The following FAAH2 variants were observed in gnomAD, a reference collection of about 807,000 sequenced individuals.
FAAH2 encodes the protein fatty acid amide hydrolase 2, also known as fatty-acid amide hydrolase 2.
FAAH2 carries 60 observed loss-of-function variants against 36.9 expected under a neutral mutation model. The observed-to-expected ratio is 1.63, with a 90% CI of 1.32 to 2.02. The LOEUF is 2.02. FAAH2 is among the 30% of genes most tolerant of loss of function. The pLI is 0.00. For synonymous variants in FAAH2, 214 were observed against 143.8 expected, an observed-to-expected ratio of 1.49 and a Z score of -3.49; for missense variants, 689 against 397.5, an observed-to-expected ratio of 1.73 and a Z score of -6.23.
the FAAH2 span, among the ~76,000 whole-genome samples, chrX:57,211,989 A>C: frequency 8.9e-6 from 1 of 111,764 alleles, no homozygotes; most frequent in African/African-American, 3.3e-5. Flanking sequence ...TAATCTCAGC[A>C]GTTTTGGAGG....
intron 3 of FAAH2, among the ~76,000 whole-genome samples, chrX:57,328,029 C>G (rs1256602653): frequency 1.8e-5 from 2 of 111,634 alleles, no homozygotes; most frequent in African/African-American, 6.5e-5. Context: ...TGTGGATGTC[C>G]TTTTTATTTG....
In FAAH2 at chrX:57,359,778, T is replaced by C. The variant is rs139460370; in HGVS notation, c.742+18388T>C. On this transcript the variant is annotated intron_variant, in intron 5 of 10. Transcript: ENST00000374900. ...GCGTATTTACCTCTACCAGAGATCT[T>C]TGTTATTTATGGTTTTATGTTGCTA... is the stretch of plus-strand genomic sequence containing the variant. 3.4e-3 allele frequency among the ~76,000 whole-genome samples: 376 copies of C among 111,360 alleles called. 1 individual carries two copies. The highest frequency in any genetic ancestry group is 0.012 in the African/African-American group (359 of 30,806).
the FAAH2 span, among the ~76,000 whole-genome samples, chrX:57,232,553 C>G: frequency 1.8e-5 from 2 of 112,194 alleles, no homozygotes; most frequent in African/African-American, 3.2e-5. Flanking sequence ...ACTACATGCA[C>G]AGTTCTAAAG....
At chrX:57,263,232 T>A in the FAAH2 span, among the ~76,000 whole-genome samples, 1 of 111,830 alleles carries the variant, frequency 8.9e-6, no homozygotes, top group African/African-American at 3.2e-5. Context: ...CTAGAACTAA[T>A]AAGTTATTTC....
At chrX:57,403,882 G>A (rs1490070846) in intron 7 of FAAH2, among the ~76,000 whole-genome samples, 2 of 112,493 alleles carry the variant, frequency 1.8e-5, no homozygotes, top group African/African-American at 6.5e-5. Flanking sequence ...ATTTTCTGTG[G>A]TTAATGTTAA....
chrX:57,374,159 G>A (rs1200955786), intron 5 of FAAH2, among the ~76,000 whole-genome samples: 1 of 111,565 alleles, frequency 9.0e-6, no homozygotes, highest in African/African-American at 3.3e-5. Flanking sequence ...GTTGCCTCCA[G>A]GTTTATGCTT....
intron 7 of FAAH2, among the ~76,000 whole-genome samples, chrX:57,411,658 G>A (rs764529448): frequency 2.7e-5 from 3 of 111,991 alleles, no homozygotes; most frequent in African/African-American, 6.5e-5. Flanking sequence ...CAAGAGAGAA[G>A]GTCATCTCCT....
intron 7 of FAAH2, among the ~76,000 whole-genome samples, chrX:57,389,643 A>C (rs1293613415): frequency 9.0e-6 from 1 of 110,671 alleles, no homozygotes; most frequent in East Asian, 2.8e-4. Context: ...AGGATGTTTT[A>C]ATATCTTAGC....
the FAAH2 span, among the ~76,000 whole-genome samples, chrX:57,211,419 C>T: frequency 9.0e-6 from 1 of 111,616 alleles, no homozygotes; most frequent in South Asian, 3.8e-4. Flanking sequence ...GTGATCCTGC[C>T]TTGCCTAGCC....
At chrX:57,175,350 T>C in the FAAH2 span, among the ~76,000 whole-genome samples, 11 of 112,057 alleles carry the variant, frequency 9.8e-5, no homozygotes, top group African/African-American at 3.6e-4. Context: ...ACTATTGTTG[T>C]TCTAAAGTCT....
At chrX:57,420,672 A>T (rs890034371) in intron 7 of FAAH2, among the ~76,000 whole-genome samples, 5 of 108,648 alleles carry the variant, frequency 4.6e-5, no homozygotes, top group Admixed American at 3.0e-4. Flanking sequence ...GCAAACAGGG[A>T]CAATTTGACT....
intron 10 of FAAH2, among the ~76,000 whole-genome samples, chrX:57,465,903 G>A (rs1295660126): frequency 1.8e-5 from 2 of 109,600 alleles, no homozygotes; most frequent in Non-Finnish European, 3.8e-5. Flanking sequence ...TAGCACAAAG[G>A]AATGGAGAAG....
intron 5 of FAAH2, among the ~76,000 whole-genome samples, chrX:57,346,820 A>C (rs2053834656): frequency 9.0e-6 from 1 of 111,263 alleles, no homozygotes; most frequent in Admixed American, 9.6e-5. Flanking sequence ...TTTATTTATG[A>C]AGCTTAGTTT....
chrX:57,480,646 C>T lies in FAAH2; in HGVS notation c.1424-8111C>T, dbSNP rs758910426. On this transcript the variant is annotated intron_variant, in intron 10 of 10. Transcript: ENST00000374900. ...GGCTTCCCTTTGTAGGTAACCTGAC[C>T]TTTCTTTTTGGCTGCTGTTAACATT... Among the ~76,000 whole-genome samples the T allele has an allele frequency of 1.0e-3, 116 of 111,579 alleles. 1 individual carries two copies. Among genetic ancestry groups the T allele is most frequent in the Middle Eastern group, 4.6e-3 (1 of 216 alleles).
chrX:57,321,083 T>G (rs2053008432), intron 3 of FAAH2, among the ~76,000 whole-genome samples: 1 of 109,277 alleles, frequency 9.2e-6, no homozygotes, highest in Non-Finnish European at 1.9e-5. Context: ...GAGTTTGCAG[T>G]GAGCCCAGAT....
the FAAH2 span, among the ~76,000 whole-genome samples, chrX:57,270,853 G>T: frequency 8.0e-5 from 9 of 112,167 alleles, no homozygotes; most frequent in Non-Finnish European, 1.5e-4. Flanking sequence ...CCCCTCTGGT[G>T]CCTACCCCAC....
chrX:57,449,649 T>A (rs2056747735), intron 10 of FAAH2, among the ~76,000 whole-genome samples: 1 of 110,310 alleles, frequency 9.1e-6, no homozygotes. Context: ...TTCCTTCCTG[T>A]CCTTCCTTCC....
At chrX:57,310,352 A>G (rs1423498437) in intron 2 of FAAH2, among the ~76,000 whole-genome samples, 1 of 111,769 alleles carries the variant, frequency 8.9e-6, no homozygotes, top group East Asian at 2.8e-4. Context: ...TCTAATATAA[A>G]TAATGATGCA....
chrX:57,463,813 A>G (rs1233001987), intron 10 of FAAH2, among the ~76,000 whole-genome samples: 1 of 111,731 alleles, frequency 9.0e-6, no homozygotes, highest in African/African-American at 3.3e-5. Context: ...TGGAAGTGTA[A>G]ATTATTTCAA....
Sources: gnomAD v4.1 joint callset for allele counts (sites outside exome capture counted in the v4.1 genomes callset) on GRCh38, gnomAD v4.1.1 for gene constraint, MANE v1.5 for transcripts, NCBI Gene and HGNC (gene_info 2026-07-23, HGNC 2026-07-21) for gene names.